Variants in JAM3 observed in about 807,000 individuals in gnomAD.
JAM3 encodes the protein junctional adhesion molecule C.
In JAM3, 31 loss-of-function variants were observed where a neutral mutation model predicts 39.4. The observed-to-expected ratio is 0.79, with a 90% CI of 0.59 to 1.06. The LOEUF (loss-of-function observed/expected upper bound fraction) is 1.06, where lower values mean the gene tolerates loss of function less well. Among genes scored for constraint, JAM3 ranks in the 50% least tolerant of loss-of-function variants. JAM3 has a pLI of 0.00. For synonymous variants in JAM3, 182 were observed against 148.7 expected, an observed-to-expected ratio of 1.22 and a Z score of -1.63; for missense variants, 455 against 391.4, an observed-to-expected ratio of 1.16 and a Z score of -1.37.
At chr11:134,090,112 G>A (rs893587534) in intron 1 of JAM3, among the ~76,000 whole-genome samples, 11 of 152,202 alleles carry the variant, frequency 7.2e-5, no homozygotes, top group African/African-American at 2.7e-4. Context: ...GTCTTCTTTT[G>A]AGAAGTGTCT....
rs760222807 is a variant in JAM3 at position 134,069,127 on chromosome 11, T to C, written c.44T>C (p.Leu15Pro). The C allele has an allele frequency of 9.9e-6, 16 of 1,612,748 alleles. No individual in the cohort carries two copies. The highest frequency in any genetic ancestry group is 1.4e-5 in the Non-Finnish European group (16 of 1,179,424). ...RPPRLRLCARLPDFFLLLLFR... is the reference protein window; with the variant it reads ...RPPRLRLCARPPDFFLLLLFR... Reference sequence around the variant, plus strand: ...CCGCGACTCCGGCTCTGCGCTCGGCTGCCTGACTTCTTCCTGCTGCTGCTT... The same window carrying C: ...CCGCGACTCCGGCTCTGCGCTCGGCCGCCTGACTTCTTCCTGCTGCTGCTT... Residue 15 changes from leucine to proline, a missense_variant, in exon 1 of 9, where the codon CTG (leucine) becomes CCG (proline). Transcript: ENST00000299106.
intron 1 of JAM3, among the ~76,000 whole-genome samples, chr11:134,128,149 ATTG>A (rs758973615): frequency 2.6e-5 from 4 of 152,232 alleles, no homozygotes; most frequent in South Asian, 2.1e-4. Context: ...GAGCTGATAT[ATTG>A]TTATTATCAC....
chr11:134,108,507 C>T (rs1225569845), intron 1 of JAM3, among the ~76,000 whole-genome samples: 1 of 152,100 alleles, frequency 6.6e-6, no homozygotes, highest in East Asian at 1.9e-4. Context: ...CCCTCGTGAA[C>T]ATAGATGCAA....
intron 1 of JAM3, chr11:134,139,590 C>T (rs1238009610): frequency 4.1e-6 from 2 of 490,914 alleles, no homozygotes; most frequent in African/African-American, 2.0e-5. Context: ...CTTTAAAGCT[C>T]TGAGGGCTTT....
At chr11:134,125,490 T>C (rs1591797021) in intron 1 of JAM3, among the ~76,000 whole-genome samples, 1 of 152,036 alleles carries the variant, frequency 6.6e-6, no homozygotes, top group African/African-American at 2.4e-5. Context: ...ATTGTATTTC[T>C]TCTTATAAGA....
chr11:134,130,957 G>A (rs1019833297), intron 1 of JAM3, among the ~76,000 whole-genome samples: 2 of 152,156 alleles, frequency 1.3e-5, no homozygotes, highest in Admixed American at 1.3e-4. Context: ...AAGAGATTCT[G>A]GCTGGACATG....
At chr11:134,129,800 G>A (rs559413720) in intron 1 of JAM3, among the ~76,000 whole-genome samples, 35 of 152,252 alleles carry the variant, frequency 2.3e-4, no homozygotes, top group South Asian at 4.1e-4. Context: ...TCAGGAGCGC[G>A]AGACCAGCCT....
intron 4 of JAM3, among the ~76,000 whole-genome samples, 161 bp downstream of exon 4, chr11:134,144,554 G>A (rs1397395995): frequency 1.3e-5 from 2 of 152,192 alleles, no homozygotes; most frequent in South Asian, 2.1e-4. Context: ...GGGGTAGAAG[G>A]TGAGAAGGGA....
chr11:134,123,266 A>G (rs1244064718), intron 1 of JAM3, among the ~76,000 whole-genome samples: 2 of 152,206 alleles, frequency 1.3e-5, no homozygotes, highest in Admixed American at 1.3e-4. Flanking sequence ...TAAGGCTGCC[A>G]GACTGCACGT....
intron 1 of JAM3, among the ~76,000 whole-genome samples, chr11:134,118,010 C>T (rs1942469419): frequency 6.6e-6 from 1 of 152,192 alleles, no homozygotes; most frequent in Non-Finnish European, 1.5e-5. Context: ...TCTTGGAATT[C>T]TGATACCAGA....
intron 2 of JAM3, among the ~76,000 whole-genome samples, chr11:134,140,229 C>T (rs909332816): frequency 5.3e-5 from 8 of 152,210 alleles, no homozygotes; most frequent in African/African-American, 1.7e-4. Context: ...TCTTGGCTCA[C>T]TGCAGCCTCT....
intron 1 of JAM3, chr11:134,126,522 C>T (rs530947425): frequency 3.9e-5 from 6 of 152,368 alleles, no homozygotes; most frequent in African/African-American, 1.4e-4. Context: ...CACATTTCTA[C>T]ATGCTTTAAA....
At chr11:134,145,136 G>A in intron 5 of JAM3, 142 bp downstream of exon 5, 7 of 738,386 alleles carry the variant, frequency 9.5e-6, no homozygotes, top group Admixed American at 4.2e-5. Context: ...GATTCTACAG[G>A]AAAAATGACC....
chr11:134,140,008 G>C, intron 2 of JAM3, 92 bp downstream of exon 2: 3 of 1,020,178 alleles, frequency 2.9e-6, no homozygotes, highest in Non-Finnish European at 4.6e-6. Flanking sequence ...GTCTCTGTAA[G>C]TGTGCCAGGG....
intron 1 of JAM3, among the ~76,000 whole-genome samples, chr11:134,137,187 C>T (rs1012191783): frequency 4.6e-5 from 7 of 151,606 alleles, no homozygotes; most frequent in Non-Finnish European, 5.9e-5. Flanking sequence ...AAAGAAGTGA[C>T]GATTGCCATT....
rs1591808260 is a variant in JAM3 at position 134,144,783 on chromosome 11, T to C, written c.410-9T>C. 3 of 1,612,996 alleles carry C rather than the reference T, an allele frequency of 1.9e-6. No individual in the cohort carries two copies. The highest frequency in any genetic ancestry group is 2.2e-5 in the East Asian group (1 of 44,866). On this transcript the variant is annotated splice_polypyrimidine_tract_variant and intron_variant, in intron 4 of 8. Coordinates refer to ENST00000299106, the MANE Select transcript of JAM3 (RefSeq NM_032801.5). The stretch of plus-strand genomic sequence containing the variant: ...TGAGATCTTAAACACCACCCCTTTT[T>C]CCCCACAGTGAAGCCAGTGACCCCT...
chr11:134,106,312 G>T (rs1241890209), intron 1 of JAM3, among the ~76,000 whole-genome samples: 4 of 152,072 alleles, frequency 2.6e-5, no homozygotes, highest in South Asian at 2.1e-4. Context: ...AGCTGAAACT[G>T]GATCCCTTCC....
At chr11:134,096,720 A>G (rs1012406040) in intron 1 of JAM3, among the ~76,000 whole-genome samples, 1 of 152,140 alleles carries the variant, frequency 6.6e-6, no homozygotes, top group African/African-American at 2.4e-5. Context: ...GTTTGCTTTG[A>G]ACTGACTTCT....
chr11:134,103,982 T>G (rs1942130274), intron 1 of JAM3, among the ~76,000 whole-genome samples: 1 of 152,172 alleles, frequency 6.6e-6, no homozygotes, highest in African/African-American at 2.4e-5. Context: ...ATCCAGGAAT[T>G]GAACTCAGCT....
Sources: gnomAD v4.1 joint callset for allele counts (sites outside exome capture counted in the v4.1 genomes callset) on GRCh38, gnomAD v4.1.1 for gene constraint, MANE v1.5 for transcripts, NCBI Gene and HGNC (gene_info 2026-07-23, HGNC 2026-07-21) for gene names.